The following GNAO1 variants were observed in gnomAD, a reference collection of about 807,000 sequenced individuals.
The protein encoded by GNAO1 is G protein subunit alpha o1.
For missense variants in GNAO1, 166 were observed against 478.7 expected (o/e 0.35, Z 6.10); for synonymous variants, 164 against 180.7 (o/e 0.91, Z 0.74).
chr16:56,259,354 G>A (rs2036882093), intron 2 of GNAO1, among the ~76,000 whole-genome samples: 1 of 152,194 alleles, frequency 6.6e-6, no homozygotes, highest in African/African-American at 2.4e-5. Context: ...TTCCATTCTT[G>A]GGAGCCCTAT....
intron 2 of GNAO1, among the ~76,000 whole-genome samples, chr16:56,208,447 G>A (rs1247413320): frequency 4.6e-4 from 23 of 49,908 alleles, no homozygotes; most frequent in African/African-American, 1.5e-3. Flanking sequence ...GTGTGTGTGT[G>A]TGCGCGCGCG....
chr16:56,306,871 G>C (rs1336975451), intron 3 of GNAO1: 2 of 152,524 alleles, frequency 1.3e-5, no homozygotes, highest in Non-Finnish European at 2.9e-5. Context: ...AAAGGGCAGC[G>C]TGGGGCCTCG....
At position 56,232,824 on chromosome 16, in the gene GNAO1, A is replaced by G. The variant is rs190359764; in HGVS notation, c.161+40208A>G. The stretch of plus-strand genomic sequence containing the variant: ...CCCTCCAACTAACTTTTTACTTCTT[A>G]TAACCAGAAAGACAAAAGACAGCTT... On this transcript the variant is annotated intron_variant, in intron 2 of 8. Coordinates refer to ENST00000262493, the MANE Select transcript of GNAO1 (RefSeq NM_020988.3). Among the ~76,000 whole-genome samples, 87 of 152,338 alleles carry G rather than the reference A, an allele frequency of 5.7e-4. 4 individuals are homozygous for G. The East Asian group carries it at 9.2e-3, about 16-fold the overall frequency.
In GNAO1 at chr16:56,351,340, C is replaced by G. The variant is rs2037919147; in HGVS notation, c.724-44C>G. The G allele has an allele frequency of 6.8e-7, 1 of 1,468,176 alleles. No individual in the cohort carries two copies. 90.9% of individuals were successfully genotyped at this position (1,468,176 alleles called of 1,614,324 possible). A position where few individuals can be genotyped will look rare whatever the true frequency, so the allele number is the denominator to read the frequency against. ...CTTCTCTTTCCCTGTCTCTGTGTCTCCCTCCCGCTGTCTGTCCTCTCTCCT... is the reference window on the plus strand; with the variant it reads ...CTTCTCTTTCCCTGTCTCTGTGTCTGCCTCCCGCTGTCTGTCCTCTCTCCT... On this transcript the variant is annotated intron_variant, in intron 6 of 8. Coordinates refer to ENST00000262493, the MANE Select transcript of GNAO1 (RefSeq NM_020988.3). The surrounding 1 kb of genome is among the most constrained non-coding windows in gnomAD (Gnocchi z 6.1).
At chr16:56,342,731 T>C (rs28446942) in intron 6 of GNAO1, among the ~76,000 whole-genome samples, 64,319 of 152,100 alleles carry the variant, frequency 0.42, 14,908 homozygotes, top group African/African-American at 0.62. Flanking sequence ...ACCCACAGGG[T>C]GTGCATCGAC....
intron 3 of GNAO1, among the ~76,000 whole-genome samples, chr16:56,280,499 C>G (rs530342538): frequency 1.3e-5 from 2 of 151,990 alleles, no homozygotes; most frequent in East Asian, 3.9e-4. Context: ...CAGTAGGCAG[C>G]CGTGGAGAGA....
chr16:56,213,298 C>G (rs551242722), intron 2 of GNAO1: 3 of 398,148 alleles, frequency 7.5e-6, no homozygotes, highest in Non-Finnish European at 1.3e-5. Flanking sequence ...TACTCTGTAC[C>G]GAGCACCATC....
chr16:56,272,472 C>G (rs2037027578), intron 2 of GNAO1, among the ~76,000 whole-genome samples: 1 of 152,210 alleles, frequency 6.6e-6, no homozygotes, highest in African/African-American at 2.4e-5. Flanking sequence ...TAGGGCTAAT[C>G]ATGATTTGAG....
rs568597817 is a variant in GNAO1, at chr16:56,351,193, G to A, written c.724-191G>A. ...TCTCTGCCTCTGGCCCCGACATGAC[G>A]GGTTCTCCGGAAGCAGGGAATGAGA... is the stretch of plus-strand genomic sequence containing the variant. On this transcript the variant is annotated intron_variant, in intron 6 of 8. Transcript: ENST00000262493. The surrounding 1 kb of genome is among the most constrained non-coding windows in gnomAD (Gnocchi z 6.1). Among the ~76,000 whole-genome samples the A allele has an allele frequency of 7.4e-4, 113 of 152,262 alleles. 1 individual carries two copies. In the South Asian group the frequency reaches 0.023, roughly 31 times the overall value.
chr16:56,264,480 T>G (rs1344624948), intron 2 of GNAO1, among the ~76,000 whole-genome samples: 1 of 152,228 alleles, frequency 6.6e-6, no homozygotes, highest in African/African-American at 2.4e-5. Flanking sequence ...GTCCTGGCCT[T>G]GCCCCTGGCT....
At chr16:56,209,326 A>T (rs1434420218) in intron 2 of GNAO1, among the ~76,000 whole-genome samples, 2 of 152,108 alleles carry the variant, frequency 1.3e-5, no homozygotes, top group Non-Finnish European at 2.9e-5. Flanking sequence ...ATTGGACTCT[A>T]TTCTTATGAC....
intron 3 of GNAO1, among the ~76,000 whole-genome samples, chr16:56,285,441 A>G (rs1256325213): frequency 6.6e-6 from 1 of 152,124 alleles, no homozygotes; most frequent in East Asian, 1.9e-4. Flanking sequence ...CACAGGGGGA[A>G]CTGACCGCCT....
intron 2 of GNAO1, among the ~76,000 whole-genome samples, chr16:56,227,449 G>A (rs983632262): frequency 1.3e-5 from 2 of 152,116 alleles, no homozygotes; most frequent in African/African-American, 2.4e-5. Context: ...GGCCTGGGGT[G>A]TGTTTGATTT....
chr16:56,281,392 C>T (rs1027367396), intron 3 of GNAO1, among the ~76,000 whole-genome samples: 1 of 152,180 alleles, frequency 6.6e-6, no homozygotes, highest in Non-Finnish European at 1.5e-5. Context: ...CCTTACCCCC[C>T]TGGGTTCTCC....
At chr16:56,345,926 A>T (rs2037862793) in intron 6 of GNAO1, 1 of 985,500 alleles carries the variant, frequency 1.0e-6, no homozygotes, top group South Asian at 4.7e-5. Context: ...ACTGGGCTGG[A>T]GGGCTCTCCA....
chr16:56,336,028 A>G, intron 5 of GNAO1, among the ~76,000 whole-genome samples: 1 of 152,114 alleles, frequency 6.6e-6, no homozygotes, highest in Non-Finnish European at 1.5e-5. Context: ...AGGAGGCTAC[A>G]GGACTCCTCG....
rs149231289 is a variant in GNAO1, at chr16:56,288,909, C to T, written c.303+12837C>T. Among the ~76,000 whole-genome samples, 388 of 152,226 alleles carry T rather than the reference C, an allele frequency of 2.5e-3. 2 individuals carry two copies. The highest frequency in any genetic ancestry group is 4.5e-3 in the African/African-American group (188 of 41,538). On this transcript the variant is annotated intron_variant, in intron 3 of 8. Coordinates refer to ENST00000262493, the MANE Select transcript of GNAO1 (RefSeq NM_020988.3). ...TTTTTCATCCATTAGATCTGAGGAA[C>T]GACACCGAAGATCGCCCCTCCCCCA...
At chr16:56,245,228 A>G (rs894150248) in intron 2 of GNAO1, among the ~76,000 whole-genome samples, 2 of 152,088 alleles carry the variant, frequency 1.3e-5, no homozygotes, top group Admixed American at 1.3e-4. Flanking sequence ...TGAGCTGATG[A>G]TCAGGGCAAT....
chr16:56,343,737 C>T (rs2037830375), intron 6 of GNAO1: 4 of 1,596,752 alleles, frequency 2.5e-6, no homozygotes, highest in African/African-American at 1.3e-5. Flanking sequence ...TCTCGCCTCA[C>T]CACACCTTGC....
Sources: allele counts gnomAD v4.1 joint callset (sites outside exome capture counted in the v4.1 genomes callset), GRCh38; gene constraint gnomAD v4.1.1; non-coding constraint Gnocchi (gnomAD v3.1); transcripts MANE v1.5; gene names NCBI Gene and HGNC (gene_info 2026-07-23, HGNC 2026-07-21).